Variants in SCAF11 observed in about 807,000 individuals in gnomAD.
SCAF11 encodes protein SCAF11.
SCAF11 carries 47 observed loss-of-function variants against 140.5 expected under a neutral mutation model. The observed-to-expected ratio is 0.33, with a 90% CI of 0.26 to 0.43. SCAF11 has a LOEUF of 0.43. Ranked by LOEUF, SCAF11 falls within the 20% of genes least tolerant of loss-of-function variation. SCAF11 has a pLI of 1.00. For missense variants in SCAF11, 1,645 were observed against 1,705.1 expected, an observed-to-expected ratio of 0.96 and a Z score of 0.62; for synonymous variants, 557 against 579.4, an observed-to-expected ratio of 0.96 and a Z score of 0.55.
intron 6 of SCAF11, among the ~76,000 whole-genome samples, chr12:45,937,775 A>T (rs2136538252): frequency 6.6e-6 from 1 of 152,264 alleles, no homozygotes; most frequent in East Asian, 1.9e-4. Flanking sequence ...CATTTGACTT[A>T]ATTTCCCTCT....
intron 1 of SCAF11, among the ~76,000 whole-genome samples, chr12:45,982,562 G>A (rs781429500): frequency 4.6e-5 from 7 of 152,082 alleles, no homozygotes; most frequent in South Asian, 2.1e-4. Context: ...AAAATTAGCC[G>A]GGTGTAGTGG....
chr12:45,975,179 G>A (rs180673142), intron 1 of SCAF11: 1 of 152,204 alleles, frequency 6.6e-6, no homozygotes, highest in African/African-American at 2.4e-5. Flanking sequence ...ATAGAGCACA[G>A]AGTAGATTCA....
At chr12:45,987,898 G>C (rs1005442357) in intron 1 of SCAF11, among the ~76,000 whole-genome samples, 3 of 152,014 alleles carry the variant, frequency 2.0e-5, no homozygotes, top group Admixed American at 6.6e-5. Flanking sequence ...AATAGTGGTT[G>C]TGTTTTTACG....
At chr12:45,934,391 AAAT>A in intron 7 of SCAF11, 53 bp downstream of exon 7, 1 of 1,434,978 alleles carries the variant, frequency 7.0e-7, no homozygotes, top group Non-Finnish European at 9.6e-7. Context: ...TTTATGGACT[AAAT>A]AACCCTAAAG....
At chr12:45,945,129 G>C (rs2136558915) in intron 6 of SCAF11, 120 bp downstream of exon 6, 1 of 693,216 alleles carries the variant, frequency 1.4e-6, no homozygotes, top group East Asian at 2.6e-5. Flanking sequence ...TTAACACAAT[G>C]TACAGAGTTC....
intron 6 of SCAF11, 73 bp downstream of exon 6, chr12:45,945,176 G>T: frequency 1.2e-6 from 1 of 865,244 alleles, no homozygotes; most frequent in Non-Finnish European, 1.9e-6. Context: ...TTACTGATGA[G>T]AACTCTGACA....
chr12:45,954,876 C>T (rs1437314402), intron 3 of SCAF11: 1 of 150,988 alleles, frequency 6.6e-6, no homozygotes, highest in Non-Finnish European at 1.5e-5. Context: ...GGAGCCATCA[C>T]ACCTGCTCTG....
intron 8 of SCAF11, 30 bp from the exon 9 acceptor site, chr12:45,933,262 A>G (rs1945094942): frequency 6.7e-7 from 1 of 1,496,194 alleles, no homozygotes; most frequent in Non-Finnish European, 9.2e-7. Flanking sequence ...CCTTCATCAG[A>G]ATCTCACAAT....
intron 1 of SCAF11, among the ~76,000 whole-genome samples, chr12:45,984,503 G>A (rs73097380): frequency 3.9e-4 from 60 of 152,174 alleles, no homozygotes; most frequent in Non-Finnish European, 7.8e-4. Context: ...TCATCCAAGC[G>A]TCTTCACTGT....
chr12:45,945,927 A>G (rs1299037727), intron 5 of SCAF11, among the ~76,000 whole-genome samples: 1 of 151,928 alleles, frequency 6.6e-6, no homozygotes, highest in Non-Finnish European at 1.5e-5. Context: ...CCGGATCTCA[A>G]GCGATTCTCC....
chr12:45,953,825 TA>T, intron 3 of SCAF11: 2 of 789,850 alleles, frequency 2.5e-6, no homozygotes, highest in Non-Finnish European at 3.7e-6. Flanking sequence ...AAAAATAACT[TA>T]CCTCTAAGGT....
In SCAF11 at chr12:45,927,910, A is replaced by C; in HGVS notation, c.1791T>G (p.Asp597Glu). ...TAAGCTCCTCTGTTTTTAGTGTAAA[A>C]TCTTTATGTTCAGTAATTTCTACTA... ...SSLVEITEHKDFTLKTEELIE... is the reference protein window; with the variant it reads ...SSLVEITEHKEFTLKTEELIE... Residue 597 changes from aspartate (D) to glutamate (E), a missense_variant, in exon 11 of 15, where the codon GAT (aspartate) becomes GAG (glutamate). By Grantham distance (45) the Asp-to-Glu change is conservative. Around this residue, in one of 2 missense-constraint regions of SCAF11, gnomAD observed 1,582 missense variants for 1,609.2 expected, o/e 0.98. Transcript: ENST00000369367. 6.2e-7 allele frequency: 1 copy of C among 1,612,372 alleles called. No homozygotes were observed. The highest frequency in any genetic ancestry group is 8.5e-7 in the Non-Finnish European group (1 of 1,179,612).
chr12:45,959,429 T>A (rs1309234753), intron 3 of SCAF11, among the ~76,000 whole-genome samples: 2 of 152,212 alleles, frequency 1.3e-5, no homozygotes, highest in Non-Finnish European at 2.9e-5. Flanking sequence ...GTGAATTAAA[T>A]GAAATTAAAT....
intron 5 of SCAF11, among the ~76,000 whole-genome samples, chr12:45,945,557 G>C (rs940047448): frequency 1.9e-5 from 1 of 52,706 alleles, no homozygotes; most frequent in Non-Finnish European, 3.9e-5. Flanking sequence ...TTTTTTTTTT[G>C]AGACAAGATT....
intron 3 of SCAF11, among the ~76,000 whole-genome samples, chr12:45,953,217 A>G (rs1345770779): frequency 6.6e-6 from 1 of 152,178 alleles, no homozygotes; most frequent in African/African-American, 2.4e-5. Context: ...TGACCTTAAG[A>G]AGGTTTGCTT....
intron 3 of SCAF11, among the ~76,000 whole-genome samples, chr12:45,954,565 G>A (rs1945632259): frequency 7.0e-6 from 1 of 142,898 alleles, no homozygotes; most frequent in Non-Finnish European, 1.5e-5. Flanking sequence ...AATCTAAGCT[G>A]TTACTTTTTT....
intron 6 of SCAF11, among the ~76,000 whole-genome samples, chr12:45,936,392 T>C (rs1945174329): frequency 6.6e-6 from 1 of 152,166 alleles, no homozygotes; most frequent in Admixed American, 6.5e-5. Flanking sequence ...TCCACCCACT[T>C]CGGCCTCCCA....
intron 1 of SCAF11, among the ~76,000 whole-genome samples, chr12:45,985,331 C>T (rs1388109340): frequency 1.3e-5 from 2 of 152,134 alleles, no homozygotes; most frequent in Non-Finnish European, 2.9e-5. Context: ...CTTTGCTGTT[C>T]CCTACCTTCT....
chr12:45,926,367 T>A lies in SCAF11; in HGVS notation c.3334A>T (p.Ser1112Cys), dbSNP rs746212475. The A allele has an allele frequency of 6.2e-7, 1 of 1,614,182 alleles. No individual in the cohort carries two copies. The highest frequency in any genetic ancestry group is 8.5e-7 in the Non-Finnish European group (1 of 1,180,030). ...TGTTCCACAAACTTGAAAGATTCAC[T>A]CCCTGAACTGTTTGAATTCCCTGAG... ...PLSGNSNSSG[S>C]ESFKFVEQQS... The change falls in exon 11 of 15, where the codon AGT becomes TGT. Residue 1112 changes from serine (S) to cysteine (C), a missense_variant. Physicochemically the swap from Ser to Cys is moderately radical, Grantham distance 112 (BLOSUM62 -1). This residue lies in a region of SCAF11 where 1,582 missense variants were observed against 1,609.2 expected (regional missense o/e 0.98). Transcript: ENST00000369367.
Sources: gnomAD v4.1 joint callset for allele counts (sites outside exome capture counted in the v4.1 genomes callset) on GRCh38, gnomAD v4.1.1 for gene constraint, gnomAD v4.1.1 regional missense constraint, MANE v1.5 for transcripts, NCBI Gene and HGNC (gene_info 2026-07-23, HGNC 2026-07-21) for gene names.